The following SP2 variants were observed in gnomAD, a reference collection of about 807,000 sequenced individuals.
SP2 encodes Sp2 transcription factor.
Under a neutral mutation model 50.1 loss-of-function variants are expected in SP2, and 9 were observed. That is an observed-to-expected ratio of 0.18 (90% CI 0.11 to 0.31). SP2 has a LOEUF of 0.31. Ranked by LOEUF, SP2 falls within the 10% of genes least tolerant of loss-of-function variation. The pLI, the probability that SP2 is intolerant of heterozygous loss-of-function variation, is 1.00. For synonymous variants in SP2, 313 were observed against 326.6 expected (o/e 0.96, Z 0.45); for missense variants, 581 against 806.5 (o/e 0.72, Z 3.39).
intron 1 of SP2, among the ~76,000 whole-genome samples, chr17:47,907,370 G>C (rs1041459961): frequency 2.6e-5 from 4 of 152,152 alleles, no homozygotes; most frequent in African/African-American, 9.7e-5. Context: ...AAGGAATGTT[G>C]TGTGTGGTCC....
chr17:47,908,343 GT>G (rs1475200608), intron 1 of SP2, among the ~76,000 whole-genome samples: 1 of 152,142 alleles, frequency 6.6e-6, no homozygotes, highest in African/African-American at 2.4e-5. Flanking sequence ...TATGTCTCTT[GT>G]TTTATAATAG....
chr17:47,905,278 G>A (rs1273270250), intron 1 of SP2, among the ~76,000 whole-genome samples: 2 of 152,200 alleles, frequency 1.3e-5, no homozygotes, highest in Admixed American at 6.5e-5. Context: ...TCCAGGCTAG[G>A]CAACTGGAAA....
chr17:47,914,375 A>C (rs2035108175), intron 1 of SP2, among the ~76,000 whole-genome samples: 1 of 152,028 alleles, frequency 6.6e-6, no homozygotes, highest in Non-Finnish European at 1.5e-5. Context: ...CCTTCTCAAA[A>C]AAAAAAAAAA....
chr17:47,918,370 A>T (rs981024112), intron 3 of SP2: 6 of 152,162 alleles, frequency 3.9e-5, no homozygotes, highest in African/African-American at 1.2e-4. Context: ...GACCTACCCT[A>T]CAGGTGATAT....
At chr17:47,912,547 C>G (rs1022275413) in intron 1 of SP2, among the ~76,000 whole-genome samples, 2 of 150,418 alleles carry the variant, frequency 1.3e-5, no homozygotes, top group African/African-American at 4.9e-5. Context: ...CAGGTTCAAG[C>G]GATCCTCCCA....
Position 47,910,896 on chromosome 17 carries a change from A to AGTTACCTGGTGATCTATGGTAT in SP2, c.8-4415_8-4394dup, listed in dbSNP as rs1358084159. 4.6e-5 allele frequency among the ~76,000 whole-genome samples: 7 copies of AGTTACCTGGTGATCTATGGTAT among 152,350 alleles called. No individual in the cohort carries two copies. The South Asian group carries it at 1.0e-3, about 23-fold the overall frequency. ...AATGTGCAGGACTTGGTTATGCAGC[A>AGTTACCTGGTGATCTATGGTAT]GTTACCTGGTGATCTATGGTATATG... On this transcript the variant is annotated intron_variant, in intron 1 of 6. Transcript: ENST00000376741.
rs762637601 is a variant in SP2 at position 47,916,235 on chromosome 17, C to G, written c.164C>G (p.Thr55Arg). The change falls in exon 3 of 7, where the codon ACA becomes AGA. Residue 55 changes from threonine (T) to arginine (R), a missense_variant. Physicochemically the swap from Thr to Arg is moderately conservative, Grantham distance 71 (BLOSUM62 -1). Coordinates refer to ENST00000376741, the MANE Select transcript of SP2 (RefSeq NM_003110.6). This position sits in a 1 kb window ranked among gnomAD's most constrained non-coding sequence, Gnocchi z 4.7. ...CCTCCAGCAGTTGAAGCTGCTGTGA[C>G]ACCTCCTGCTCCCCCACAGCCCACA... ...IGPPAVEAAV[T>R]PPAPPQPTPR... 1.8e-5 allele frequency: 29 copies of G among 1,614,118 alleles called. No homozygotes were observed. In the South Asian group the frequency reaches 3.0e-4, roughly 17 times the overall value.
Position 47,924,900 on chromosome 17 carries a change from C to G in SP2, c.1373-19C>G. 1 of 1,567,694 alleles carries G rather than the reference C, an allele frequency of 6.4e-7. No homozygotes were observed. Among genetic ancestry groups the G allele is most frequent in the East Asian group, 2.3e-5 (1 of 44,132 alleles). On this transcript the variant is annotated intron_variant, in intron 4 of 6. Transcript: ENST00000376741. ...TCAGGCTTCCTCACCCTGAACTCTGCCCCTCTTTGTCCCCACAGGGCAGCA... is the reference window on the plus strand; with the variant it reads ...TCAGGCTTCCTCACCCTGAACTCTGGCCCTCTTTGTCCCCACAGGGCAGCA...
intron 1 of SP2, chr17:47,897,963 T>A: frequency 1.4e-6 from 1 of 733,640 alleles, no homozygotes; most frequent in Non-Finnish European, 1.7e-6. Context: ...CTCTTGGTTG[T>A]ACAGAGGCTT....
chr17:47,901,211 A>G (rs2143774329), intron 1 of SP2, among the ~76,000 whole-genome samples: 1 of 140,016 alleles, frequency 7.1e-6, no homozygotes, highest in South Asian at 2.3e-4. Flanking sequence ...GCAATGGCGC[A>G]ATCTTGGCTC....
At chr17:47,911,406 G>A (rs1288449941) in intron 1 of SP2, among the ~76,000 whole-genome samples, 1 of 151,692 alleles carries the variant, frequency 6.6e-6, no homozygotes, top group South Asian at 2.1e-4. Context: ...TTAGCCGGAT[G>A]TAGTGGTGGG....
At chr17:47,921,079 C>T (rs546219699) in intron 3 of SP2, among the ~76,000 whole-genome samples, 43 of 152,310 alleles carry the variant, frequency 2.8e-4, no homozygotes, top group African/African-American at 1.0e-3. Context: ...CCTGTTGTAG[C>T]ATGTGTCTGA....
chr17:47,912,886 C>T (rs754113644), intron 1 of SP2, among the ~76,000 whole-genome samples: 1 of 151,270 alleles, frequency 6.6e-6, no homozygotes, highest in Non-Finnish European at 1.5e-5. Context: ...TTTTGAGACA[C>T]AGTCTCACTC....
chr17:47,902,429 C>T (rs1055047205), intron 1 of SP2, among the ~76,000 whole-genome samples: 2 of 152,148 alleles, frequency 1.3e-5, no homozygotes, highest in African/African-American at 2.4e-5. Context: ...GGGTCTTACT[C>T]TGGATGTGTT....
chr17:47,897,142 G>C (rs554556311), intron 1 of SP2, among the ~76,000 whole-genome samples: 21 of 152,264 alleles, frequency 1.4e-4, no homozygotes, highest in African/African-American at 4.8e-4. Flanking sequence ...ATAGATACTC[G>C]CTCTCTTCCT....
intron 1 of SP2, among the ~76,000 whole-genome samples, chr17:47,910,918 T>C (rs1338085694): frequency 6.6e-6 from 1 of 152,198 alleles, no homozygotes; most frequent in Non-Finnish European, 1.5e-5. Flanking sequence ...ATCTATGGTA[T>C]ATGTTCATTT....
intron 1 of SP2, among the ~76,000 whole-genome samples, chr17:47,905,369 A>G (rs1203565437): frequency 2.0e-5 from 3 of 152,200 alleles, no homozygotes; most frequent in Non-Finnish European, 4.4e-5. Flanking sequence ...CTGTTTGCAC[A>G]GTGTGAAATT....
At position 47,923,134 on chromosome 17, in the gene SP2, C is replaced by G. The variant is rs1453514179; in HGVS notation, c.1232C>G (p.Pro411Arg). The G allele has an allele frequency of 1.2e-6, 2 of 1,614,226 alleles. No homozygotes were observed. Among genetic ancestry groups the G allele is most frequent in the Non-Finnish European group, 1.7e-6 (2 of 1,180,044 alleles). Residue 411 changes from proline to arginine, a missense_variant, in exon 4 of 7, where the codon CCC becomes CGC. By Grantham distance (103) the Pro-to-Arg change is moderately radical. Transcript: ENST00000376741. Reference protein sequence around the residue: ...HSAAILRKERPLPKIAPAGSI... With the variant: ...HSAAILRKERRLPKIAPAGSI... ...GCTGCAATTCTCCGAAAAGAGCGTCCCCTGCCAAAGATTGCCCCAGCCGGG... is the reference window on the plus strand; with the variant it reads ...GCTGCAATTCTCCGAAAAGAGCGTCGCCTGCCAAAGATTGCCCCAGCCGGG...
At chr17:47,923,384 A>C in intron 4 of SP2, 110 bp downstream of exon 4, 1 of 888,698 alleles carries the variant, frequency 1.1e-6, no homozygotes, top group Non-Finnish European at 1.7e-6. Context: ...GATGCTGTCC[A>C]TCATAGCTTA....
Sources: allele counts gnomAD v4.1 joint callset (sites outside exome capture counted in the v4.1 genomes callset), GRCh38; gene constraint gnomAD v4.1.1; non-coding constraint Gnocchi (gnomAD v3.1); transcripts MANE v1.5; gene names NCBI Gene and HGNC (gene_info 2026-07-23, HGNC 2026-07-21).